CERKL: variants seen among roughly 807,000 people sequenced by gnomAD.
The protein encoded by CERKL is ceramide kinase-like protein.
A neutral mutation model predicts 63.4 loss-of-function variants in CERKL; 61 were observed. The observed-to-expected ratio is 0.96, with a 90% CI of 0.78 to 1.19. The LOEUF (loss-of-function observed/expected upper bound fraction) is 1.19, where lower values mean the gene tolerates loss of function less well. CERKL is among the 50% of genes most tolerant of loss of function. CERKL has a pLI of 0.00. For synonymous variants in CERKL, 250 were observed against 230.5 expected (o/e 1.08, Z -0.77); for missense variants, 675 against 655.5 (o/e 1.03, Z -0.33).
chr2:181,553,106 A>T (rs55836284), intron 5 of CERKL, among the ~76,000 whole-genome samples: 3,524 of 152,252 alleles, frequency 0.023, 143 homozygotes, highest in African/African-American at 0.08. Flanking sequence ...GGACCCAGGT[A>T]TCTCTGTTTT....
rs1040916917 is a variant in CERKL at position 181,547,834 on chromosome 2, A to T, written c.1147T>A (p.Ser383Thr). 11 of 1,613,928 alleles carry T rather than the reference A, an allele frequency of 6.8e-6. No homozygotes were observed. The highest frequency in any genetic ancestry group is 9.3e-6 in the Non-Finnish European group (11 of 1,180,016). The change falls in exon 9 of 13, where the codon TCT becomes ACT. Residue 383 changes from serine (S) to threonine (T), a missense_variant. Coordinates refer to ENST00000410087, the MANE Select transcript of CERKL (RefSeq NM_201548.5). ...CTTTTCGACTCACCAGATTTGGGAG[A>T]TCCCTGTGCCCTCCTAAAAGAAAGA... ...DDVQERRAQG[S>T]PKSDCNDQWQ... is the part of the protein sequence containing the mutation.
intron 5 of CERKL, among the ~76,000 whole-genome samples, chr2:181,557,246 T>C (rs1559076239): frequency 6.6e-6 from 1 of 152,166 alleles, no homozygotes; most frequent in Non-Finnish European, 1.5e-5. Context: ...TGAGTTTAAT[T>C]AGATCCCATT....
At chr2:181,542,944 G>C (rs999221411) in intron 11 of CERKL, among the ~76,000 whole-genome samples, 1 of 152,184 alleles carries the variant, frequency 6.6e-6, no homozygotes, top group African/African-American at 2.4e-5. Flanking sequence ...TTGCCTGAGA[G>C]ACTTGCCCCA....
At chr2:181,607,256 C>A (rs1439245690) in intron 1 of CERKL, among the ~76,000 whole-genome samples, 9 of 152,150 alleles carry the variant, frequency 5.9e-5, no homozygotes, top group African/African-American at 1.4e-4. Flanking sequence ...AGTCCCTGGA[C>A]CGCACTTTGA....
intron 2 of CERKL, among the ~76,000 whole-genome samples, chr2:181,596,131 G>A (rs1251541020): frequency 6.6e-6 from 1 of 152,098 alleles, no homozygotes; most frequent in Non-Finnish European, 1.5e-5. Flanking sequence ...AAGAAGTTTT[G>A]TTACACAAAG....
chr2:181,609,355 T>A (rs965196468), intron 1 of CERKL, among the ~76,000 whole-genome samples: 1 of 148,270 alleles, frequency 6.7e-6, no homozygotes, highest in Non-Finnish European at 1.5e-5. Flanking sequence ...ATAAAATATT[T>A]GAAAATTCTC....
chr2:181,573,485 T>C (rs887854127), intron 3 of CERKL, among the ~76,000 whole-genome samples: 2 of 152,184 alleles, frequency 1.3e-5, no homozygotes, highest in East Asian at 1.9e-4. Flanking sequence ...TAAACAAGTA[T>C]ACAGCTTCCT....
chr2:181,583,416 T>A (rs1319379030), intron 2 of CERKL, among the ~76,000 whole-genome samples: 2 of 152,214 alleles, frequency 1.3e-5, no homozygotes, highest in Non-Finnish European at 2.9e-5. Flanking sequence ...AATTAAGTGC[T>A]ACCTAACATT....
intron 2 of CERKL, chr2:181,603,082 C>T (rs760236738): frequency 3.8e-6 from 1 of 264,934 alleles, no homozygotes. Flanking sequence ...TCCTAATAAA[C>T]ATGTTCTCTT....
At chr2:181,593,594 A>G (rs1685074348) in intron 2 of CERKL, among the ~76,000 whole-genome samples, 1 of 151,912 alleles carries the variant, frequency 6.6e-6, no homozygotes, top group African/African-American at 2.4e-5. Flanking sequence ...CCTAGAGCTT[A>G]CCTATTCTGC....
chr2:181,570,959 T>C (rs1250185720), intron 3 of CERKL, among the ~76,000 whole-genome samples: 1 of 152,160 alleles, frequency 6.6e-6, no homozygotes, highest in Non-Finnish European at 1.5e-5. Flanking sequence ...ATATGTCCTC[T>C]TTCTGCTTTA....
chr2:181,580,604 G>T (rs1227349893), intron 2 of CERKL, among the ~76,000 whole-genome samples: 1 of 152,064 alleles, frequency 6.6e-6, no homozygotes, highest in Non-Finnish European at 1.5e-5. Context: ...AACCTCAAAT[G>T]TTTCTCCATG....
chr2:181,618,190 T>C lies in CERKL; in HGVS notation c.239-14111A>G, dbSNP rs1168188580. Reference sequence around the variant, plus strand: ...GTATGTTATTTGGGTGAAGATACACTAAATTCTCAGACTTCACCACTAAGC... The same window carrying C: ...GTATGTTATTTGGGTGAAGATACACCAAATTCTCAGACTTCACCACTAAGC... On this transcript the variant is annotated intron_variant, in intron 1 of 12. Coordinates refer to ENST00000410087, the MANE Select transcript of CERKL (RefSeq NM_201548.5). Among the ~76,000 whole-genome samples, 4 of 151,958 alleles carry C rather than the reference T, an allele frequency of 2.6e-5. No individual in the cohort carries two copies. In the East Asian group the frequency reaches 5.8e-4, roughly 22 times the overall value.
chr2:181,540,888 GTTGGGAAAGCTTCCCAT>G (rs1423966451), intron 11 of CERKL, among the ~76,000 whole-genome samples: 1 of 152,218 alleles, frequency 6.6e-6, no homozygotes, highest in East Asian at 1.9e-4. Flanking sequence ...GGCTATGGAT[GTTGGGAAAGCTTCCCAT>G]TTGAATTGAG....
chr2:181,577,627 TA>T (rs1335764216), intron 2 of CERKL, among the ~76,000 whole-genome samples: 1 of 151,318 alleles, frequency 6.6e-6, no homozygotes, highest in African/African-American at 2.4e-5. Context: ...GAGGGTAGAG[TA>T]AAATGGTGTC....
At chr2:181,552,955 G>A (rs746429384) in intron 5 of CERKL, among the ~76,000 whole-genome samples, 11 of 152,164 alleles carry the variant, frequency 7.2e-5, no homozygotes, top group Non-Finnish European at 1.6e-4. Flanking sequence ...TCCCCAGGTG[G>A]TTTGTATGCA....
intron 1 of CERKL, among the ~76,000 whole-genome samples, chr2:181,608,189 G>A (rs1419193612): frequency 6.6e-6 from 1 of 151,382 alleles, no homozygotes; most frequent in Non-Finnish European, 1.5e-5. Flanking sequence ...TTTTTTAAGA[G>A]TTGCCTCTAC....
At chr2:181,608,905 C>T (rs534273775) in intron 1 of CERKL, among the ~76,000 whole-genome samples, 1 of 152,250 alleles carries the variant, frequency 6.6e-6, no homozygotes, top group African/African-American at 2.4e-5. Flanking sequence ...AATATGTCTA[C>T]ACCCAAGAAG....
rs1288565463 is a variant in CERKL, at chr2:181,548,589, T to G, written c.1089A>C (p.Glu363Asp). 1 of 1,613,206 alleles carries G rather than the reference T, an allele frequency of 6.2e-7. No individual in the cohort carries two copies. The highest frequency in any genetic ancestry group is 8.5e-7 in the Non-Finnish European group (1 of 1,179,418). ...ALAKLKAEDC[E>D]ISFLPFNSSD... ...AGCTGTTAAATGGTAAAAATGATATTTCACAGTCTTCTGCCCTAAAATGTA... is the reference window on the plus strand; with the variant it reads ...AGCTGTTAAATGGTAAAAATGATATGTCACAGTCTTCTGCCCTAAAATGTA... The change falls in exon 8 of 13, where the codon GAA (glutamate) becomes GAC (aspartate). Residue 363 changes from glutamate to aspartate, a missense_variant. Coordinates refer to ENST00000410087, the MANE Select transcript of CERKL (RefSeq NM_201548.5).
Sources: allele counts gnomAD v4.1 joint callset (sites outside exome capture counted in the v4.1 genomes callset), GRCh38; gene constraint gnomAD v4.1.1; transcripts MANE v1.5; gene names NCBI Gene and HGNC (gene_info 2026-07-23, HGNC 2026-07-21).